The following MALRD1 variants were observed in gnomAD, a reference collection of about 807,000 sequenced individuals.
MALRD1 encodes MAM and LDL-receptor class A domain-containing protein 1.
In MALRD1, 247 loss-of-function variants were observed where a neutral mutation model predicts 242.1. The ratio of observed to expected loss-of-function variants is 1.02; its 90% CI spans 0.92 to 1.13. The LOEUF is 1.13. Ranked by LOEUF, MALRD1 falls within the 50% of genes most tolerant of loss-of-function variation. The pLI is 0.00. For missense variants in MALRD1, 2,989 were observed against 2,533.1 expected, an observed-to-expected ratio of 1.18 and a Z score of -3.86; for synonymous variants, 995 against 866.6, an observed-to-expected ratio of 1.15 and a Z score of -2.60.
At chr10:19,296,530 A>C (rs1242727349) in intron 21 of MALRD1, among the ~76,000 whole-genome samples, 2 of 152,094 alleles carry the variant, frequency 1.3e-5, no homozygotes, top group Non-Finnish European at 2.9e-5. Context: ...ATATATCAAA[A>C]TATTTTCTGG....
intron 26 of MALRD1, among the ~76,000 whole-genome samples, chr10:19,384,514 A>G (rs1207899316): frequency 8.5e-6 from 1 of 118,312 alleles, no homozygotes; most frequent in Non-Finnish European, 1.7e-5. Context: ...TATATATTAT[A>G]TATTATATAG....
intron 28 of MALRD1, among the ~76,000 whole-genome samples, chr10:19,397,660 A>G (rs1027780940): frequency 2.6e-5 from 4 of 152,104 alleles, no homozygotes; most frequent in South Asian, 2.1e-4. Context: ...AGGAACCGAC[A>G]TACTGTTTTC....
chr10:19,389,267 T>C (rs1013540457), intron 27 of MALRD1, 185 bp from the exon 28 acceptor site: 5 of 711,908 alleles, frequency 7.0e-6, no homozygotes, highest in African/African-American at 1.7e-5. Context: ...GCACAGACAG[T>C]TGGAAATTGT....
At chr10:19,280,723 A>C (rs571645087) in intron 20 of MALRD1, among the ~76,000 whole-genome samples, 1 of 152,332 alleles carries the variant, frequency 6.6e-6, no homozygotes, top group East Asian at 1.9e-4. Context: ...TTTACCTGCC[A>C]ATTCAATGGT....
In MALRD1 at chr10:19,048,847, C is replaced by T; in HGVS notation, c.-92C>T. 1 of 1,023,942 alleles carries T rather than the reference C, an allele frequency of 9.8e-7. No homozygotes were observed. The highest frequency in any genetic ancestry group is 1.3e-6 in the Non-Finnish European group (1 of 797,786). 63.4% of individuals were successfully genotyped at this position (1,023,942 alleles called of 1,614,324 possible). ...TAGTATCCAGTTATAAGAAGCAAAT[C>T]TGGGAAAGGAAGAATAGAGAAATAA... On this transcript the variant is annotated 5_prime_UTR_variant, in exon 1 of 40. Coordinates refer to ENST00000454679, the MANE Select transcript of MALRD1 (RefSeq NM_001142308.3).
At chr10:19,119,207 A>G (rs1836976795) in intron 5 of MALRD1, among the ~76,000 whole-genome samples, 1 of 152,180 alleles carries the variant, frequency 6.6e-6, no homozygotes, top group African/African-American at 2.4e-5. Flanking sequence ...ATGGAGTTTC[A>G]TTAACTGGGA....
At chr10:19,379,611 T>G (rs1053633789) in intron 26 of MALRD1, among the ~76,000 whole-genome samples, 1 of 152,208 alleles carries the variant, frequency 6.6e-6, no homozygotes, top group Non-Finnish European at 1.5e-5. Context: ...TGATACTGAT[T>G]TCTATTTTAA....
At chr10:19,275,867 A>G (rs1486967975) in intron 19 of MALRD1, among the ~76,000 whole-genome samples, 1 of 152,160 alleles carries the variant, frequency 6.6e-6, no homozygotes, top group Non-Finnish European at 1.5e-5. Flanking sequence ...GTCTATTTCC[A>G]TAAATATACA....
At chr10:19,206,595 T>A (rs756159700) in intron 17 of MALRD1, among the ~76,000 whole-genome samples, 8 of 152,194 alleles carry the variant, frequency 5.3e-5, no homozygotes, top group Non-Finnish European at 1.2e-4. Flanking sequence ...ATCAAAATAC[T>A]TCTTGCGATT....
intron 29 of MALRD1, among the ~76,000 whole-genome samples, chr10:19,483,350 A>G (rs958600691): frequency 8.5e-5 from 13 of 152,198 alleles, no homozygotes; most frequent in African/African-American, 2.9e-4. Flanking sequence ...AAAAGAAACT[A>G]TCAACAGAGT....
chr10:19,377,587 A>C (rs1353562923), intron 26 of MALRD1, among the ~76,000 whole-genome samples: 1 of 152,044 alleles, frequency 6.6e-6, no homozygotes, highest in Admixed American at 6.6e-5. Flanking sequence ...AGATACATAA[A>C]ATTCTTATAA....
intron 17 of MALRD1, among the ~76,000 whole-genome samples, chr10:19,208,673 T>C (rs139096087): frequency 2.6e-5 from 4 of 152,276 alleles, no homozygotes; most frequent in Non-Finnish European, 5.9e-5. Flanking sequence ...TCTAATAAGC[T>C]AGTATCTGTT....
At chr10:19,097,276 G>C (rs1207340258) in intron 4 of MALRD1, among the ~76,000 whole-genome samples, 3 of 152,068 alleles carry the variant, frequency 2.0e-5, no homozygotes, top group African/African-American at 7.2e-5. Flanking sequence ...CTCAATTACT[G>C]AGTCACTGAG....
At chr10:19,459,712 A>G (rs1930507) in intron 29 of MALRD1, among the ~76,000 whole-genome samples, 123,399 of 151,684 alleles carry the variant, frequency 0.81, 50,412 homozygotes, top group East Asian at 1. Context: ...TTTATCTCTC[A>G]ATAAAATTAA....
At chr10:19,281,471 T>G (rs997991417) in intron 20 of MALRD1, among the ~76,000 whole-genome samples, 4 of 152,338 alleles carry the variant, frequency 2.6e-5, no homozygotes, top group South Asian at 2.1e-4. Flanking sequence ...ATAAATTCTT[T>G]AAGTGTCCTA....
At chr10:19,322,766 C>T (rs1842956152) in intron 21 of MALRD1, among the ~76,000 whole-genome samples, 1 of 152,070 alleles carries the variant, frequency 6.6e-6, no homozygotes. Flanking sequence ...TCTGTTTGCT[C>T]TTCATAATTC....
chr10:19,273,313 G>A lies in MALRD1; in HGVS notation c.3080-6734G>A, dbSNP rs768400018. ...GGTAGAAATACCAAGTTATATAGCC[G>A]CTTTGAAAAAGGTTTGATATTTTCT... On this transcript the variant is annotated intron_variant, in intron 19 of 39. Coordinates refer to ENST00000454679, the MANE Select transcript of MALRD1 (RefSeq NM_001142308.3). 5.9e-5 allele frequency among the ~76,000 whole-genome samples: 9 copies of A among 152,236 alleles called. 1 individual carries two copies. The highest frequency in any genetic ancestry group is 5.8e-4 in the East Asian group (3 of 5,186).
In MALRD1 at chr10:19,595,310, T is replaced by G; in HGVS notation, c.5797T>G (p.Ser1933Ala). Residue 1933 changes from serine to alanine, a missense_variant, in exon 34 of 40, where the codon TCT (serine) becomes GCT (alanine). Physicochemically the swap from Ser to Ala is moderately conservative, Grantham distance 99 (BLOSUM62 1). Coordinates refer to ENST00000454679, the MANE Select transcript of MALRD1 (RefSeq NM_001142308.3). The stretch of plus-strand genomic sequence containing the variant: ...TGGACATGAAGACTGCATAGATGGA[T>G]CTGATGAAATGGATTGTCCTCTCAG... ...CDGHEDCIDG[S>A]DEMDCPLSPT... 6.4e-7 allele frequency: 1 copy of G among 1,550,798 alleles called. No individual in the cohort carries two copies. Among genetic ancestry groups the G allele is most frequent in the South Asian group, 1.2e-5 (1 of 84,042 alleles).
chr10:19,227,391 T>C (rs1405117460), intron 18 of MALRD1, among the ~76,000 whole-genome samples: 1 of 152,092 alleles, frequency 6.6e-6, no homozygotes, highest in Non-Finnish European at 1.5e-5. Flanking sequence ...AATGTCTTTA[T>C]AAAGATGGTA....
Sources: allele counts gnomAD v4.1 joint callset (sites outside exome capture counted in the v4.1 genomes callset), GRCh38; gene constraint gnomAD v4.1.1; transcripts MANE v1.5; gene names NCBI Gene and HGNC (gene_info 2026-07-23, HGNC 2026-07-21).